Variants in RAPGEF2 observed in about 807,000 individuals in gnomAD.
RAPGEF2 encodes PDZ domain containing guanine nucleotide exchange factor (GEF) 1.
A neutral mutation model predicts 186.7 loss-of-function variants in RAPGEF2; 54 were observed. That is an observed-to-expected ratio of 0.29 (90% CI 0.23 to 0.36). The LOEUF (loss-of-function observed/expected upper bound fraction) is 0.36. RAPGEF2 is among the 10% of genes least tolerant of loss of function. The pLI is 1.00. For missense variants in RAPGEF2, 1,532 were observed against 2,045.0 expected (o/e 0.75, Z 4.84); for synonymous variants, 712 against 705.9 (o/e 1.01, Z -0.14).
At chr4:159,196,030 A>C (rs187176664) in intron 3 of RAPGEF2, among the ~76,000 whole-genome samples, 5 of 152,126 alleles carry the variant, frequency 3.3e-5, no homozygotes, top group Admixed American at 3.3e-4. Flanking sequence ...ACCTGCCCGT[A>C]TTTGACTAGT....
At chr4:159,242,950 A>G (rs961259938) in intron 6 of RAPGEF2, among the ~76,000 whole-genome samples, 1 of 151,984 alleles carries the variant, frequency 6.6e-6, no homozygotes, top group Non-Finnish European at 1.5e-5. Flanking sequence ...GTTTGTTCTT[A>G]TAGTCATATT....
At chr4:159,332,829 C>A in intron 17 of RAPGEF2, 132 bp downstream of exon 17, 1 of 1,054,600 alleles carries the variant, frequency 9.5e-7, no homozygotes, top group Non-Finnish European at 1.3e-6. Flanking sequence ...ATTTTGGAAG[C>A]AGTATTAAAC....
intron 1 of RAPGEF2, among the ~76,000 whole-genome samples, chr4:159,132,895 T>G (rs1378856566): frequency 3.3e-5 from 5 of 151,276 alleles, no homozygotes; most frequent in Non-Finnish European, 7.4e-5. Flanking sequence ...TTTTTTTTTT[T>G]GCATAGTTCA....
chr4:159,214,930 T>C (rs766361067), intron 4 of RAPGEF2, among the ~76,000 whole-genome samples: 2 of 152,194 alleles, frequency 1.3e-5, no homozygotes, highest in Non-Finnish European at 2.9e-5. Flanking sequence ...TGGCACAATC[T>C]CAGCTCACTG....
chr4:159,115,864 T>A (rs932518806), intron 1 of RAPGEF2, among the ~76,000 whole-genome samples: 6 of 152,136 alleles, frequency 3.9e-5, no homozygotes, highest in African/African-American at 1.4e-4. Context: ...TAAATGGTGC[T>A]GGGAAAACTG....
chr4:159,223,512 A>G lies in RAPGEF2; in HGVS notation c.281+12929A>G, dbSNP rs190124633. 3.7e-3 allele frequency among the ~76,000 whole-genome samples: 562 copies of G among 152,318 alleles called. 4 individuals carry two copies. The highest frequency in any genetic ancestry group is 0.013 in the African/African-American group (538 of 41,564). On this transcript the variant is annotated intron_variant, in intron 4 of 29. Coordinates refer to ENST00000691494, the MANE Select transcript of RAPGEF2 (RefSeq NM_001394067.2). ...TGAGGGCAATGGTTAAAATTTGTCAAACACATTGTTGTGTTTTATTATTAT... is the reference window on the plus strand; with the variant it reads ...TGAGGGCAATGGTTAAAATTTGTCAGACACATTGTTGTGTTTTATTATTAT...
At chr4:159,213,452 C>T (rs1366521939) in intron 4 of RAPGEF2, among the ~76,000 whole-genome samples, 3 of 152,176 alleles carry the variant, frequency 2.0e-5, no homozygotes, top group African/African-American at 4.8e-5. Flanking sequence ...AGTGCCAACT[C>T]GTTTTGACGG....
chr4:159,316,201 C>G (rs1764582746), intron 9 of RAPGEF2, among the ~76,000 whole-genome samples: 1 of 152,130 alleles, frequency 6.6e-6, no homozygotes, highest in Admixed American at 6.5e-5. Flanking sequence ...CCCCTCAGCT[C>G]CTATCTCTGT....
chr4:159,354,921 G>A (rs1487870333), intron 28 of RAPGEF2, among the ~76,000 whole-genome samples: 2 of 152,222 alleles, frequency 1.3e-5, no homozygotes, highest in Non-Finnish European at 1.5e-5. Flanking sequence ...AGGTTGTAGA[G>A]TGAGAAATTC....
At chr4:159,273,181 G>A (rs778039034) in intron 7 of RAPGEF2, among the ~76,000 whole-genome samples, 22 of 152,070 alleles carry the variant, frequency 1.4e-4, no homozygotes, top group Admixed American at 3.3e-4. Context: ...CTTATCTCTT[G>A]GCATGATTTT....
chr4:159,218,729 G>A (rs1751227131), intron 4 of RAPGEF2, among the ~76,000 whole-genome samples: 1 of 151,968 alleles, frequency 6.6e-6, no homozygotes, highest in Non-Finnish European at 1.5e-5. Flanking sequence ...CTGCACTCCA[G>A]CCTGGGCAAC....
chr4:159,239,639 T>C (rs1753718994), intron 5 of RAPGEF2, among the ~76,000 whole-genome samples: 1 of 152,214 alleles, frequency 6.6e-6, no homozygotes, highest in Non-Finnish European at 1.5e-5. Flanking sequence ...TTTTACTTAC[T>C]GTATAAGAAT....
At chr4:159,169,242 GA>G (rs11284305) in intron 1 of RAPGEF2, among the ~76,000 whole-genome samples, 65,118 of 151,648 alleles carry the variant, frequency 0.43, 14,710 homozygotes, top group African/African-American at 0.58. Context: ...TTTGTATTAG[GA>G]AAAAAAATGT....
At chr4:159,177,859 G>A (rs1478275637) in intron 1 of RAPGEF2, among the ~76,000 whole-genome samples, 1 of 152,200 alleles carries the variant, frequency 6.6e-6, no homozygotes, top group Non-Finnish European at 1.5e-5. Flanking sequence ...TGCCCAAAAG[G>A]ATAAATTTCA....
intron 4 of RAPGEF2, among the ~76,000 whole-genome samples, chr4:159,235,963 C>G (rs1276387216): frequency 6.6e-6 from 1 of 152,158 alleles, no homozygotes; most frequent in Non-Finnish European, 1.5e-5. Flanking sequence ...CTGATCAGGC[C>G]TAGCGTGTGC....
At chr4:159,238,345 GA>G in intron 4 of RAPGEF2, among the ~76,000 whole-genome samples, 1 of 152,032 alleles carries the variant, frequency 6.6e-6, no homozygotes, top group East Asian at 1.9e-4. Flanking sequence ...GAAAATTTAG[GA>G]AAATAAACAC....
chr4:159,256,995 A>G (rs747449105), intron 7 of RAPGEF2, among the ~76,000 whole-genome samples: 22 of 151,974 alleles, frequency 1.4e-4, no homozygotes, highest in Non-Finnish European at 2.4e-4. Context: ...TAGGTTGTCT[A>G]TTCACTCTGA....
chr4:159,222,622 C>G (rs1168898116), intron 4 of RAPGEF2, among the ~76,000 whole-genome samples: 3 of 152,150 alleles, frequency 2.0e-5, no homozygotes, highest in Non-Finnish European at 4.4e-5. Context: ...ACTCATAACT[C>G]TTGTCTGTGC....
chr4:159,208,185 CA>C (rs1431528914), intron 3 of RAPGEF2, among the ~76,000 whole-genome samples: 1 of 152,090 alleles, frequency 6.6e-6, no homozygotes, highest in Non-Finnish European at 1.5e-5. Flanking sequence ...AAGTAGATAG[CA>C]CAGTGAAAAT....
Sources: gnomAD v4.1 joint callset for allele counts (sites outside exome capture counted in the v4.1 genomes callset) on GRCh38, gnomAD v4.1.1 for gene constraint, MANE v1.5 for transcripts, NCBI Gene and HGNC (gene_info 2026-07-23, HGNC 2026-07-21) for gene names.